ENPP3: variants seen among roughly 807,000 people sequenced by gnomAD.
ENPP3 encodes the protein ectonucleotide pyrophosphatase/phosphodiesterase family member 3.
A neutral mutation model predicts 117.8 loss-of-function variants in ENPP3; 104 were observed. The ratio of observed to expected loss-of-function variants is 0.88; its 90% CI spans 0.75 to 1.04. The LOEUF is 1.04. Among genes scored for constraint, ENPP3 ranks in the 50% least tolerant of loss-of-function variants. The pLI is 0.00. For synonymous variants in ENPP3, 380 were observed against 349.9 expected (o/e 1.09, Z -0.96); for missense variants, 1,026 against 1,051.9 (o/e 0.98, Z 0.34).
Position 131,652,864 on chromosome 6 carries a change from C to G in ENPP3, c.437C>G (p.Thr146Arg). Residue 146 changes from threonine (T) to arginine (R), a missense_variant, in exon 5 of 25, where the codon ACA becomes AGA. Thr to Arg is a moderately conservative substitution (Grantham distance 71). Coordinates refer to ENST00000357639, the MANE Select transcript of ENPP3 (RefSeq NM_005021.5). ...ETSWLEENCD[T>R]AQQSQCPEGF... ...TCATGGCTGGAAGAAAACTGTGACACAGCCCAGCAGTCTCAGTGCCCAGAA... is the reference window on the plus strand; with the variant it reads ...TCATGGCTGGAAGAAAACTGTGACAGAGCCCAGCAGTCTCAGTGCCCAGAA... The G allele has an allele frequency of 1.2e-6, 2 of 1,613,272 alleles. No homozygotes were observed. Among genetic ancestry groups the G allele is most frequent in the Admixed American group, 1.7e-5 (1 of 59,988 alleles).
chr6:131,693,682 G>T, intron 15 of ENPP3, 58 bp downstream of exon 15: 1 of 1,551,216 alleles, frequency 6.4e-7, no homozygotes, highest in Non-Finnish European at 8.8e-7. Context: ...GTCATTATAA[G>T]TCTACTTAAC....
At chr6:131,691,132 C>G (rs1481657423) in intron 14 of ENPP3, among the ~76,000 whole-genome samples, 1 of 152,034 alleles carries the variant, frequency 6.6e-6, no homozygotes, top group African/African-American at 2.4e-5. Context: ...GTCCATCCTT[C>G]CCAAGGAAAT....
intron 6 of ENPP3, among the ~76,000 whole-genome samples, chr6:131,663,058 T>G (rs1197968520): frequency 6.6e-6 from 1 of 152,072 alleles, no homozygotes; most frequent in Admixed American, 6.5e-5. Flanking sequence ...CTAAATAAAT[T>G]TATTTAGAGC....
At chr6:131,675,359 T>G in intron 9 of ENPP3, 170 bp downstream of exon 9, 1 of 572,898 alleles carries the variant, frequency 1.7e-6, no homozygotes, top group Non-Finnish European at 3.1e-6. Flanking sequence ...AGTAAATGCT[T>G]TTGGCTGTAA....
At chr6:131,685,835 A>G in intron 13 of ENPP3, 41 bp from the exon 14 acceptor site, 1 of 800,444 alleles carries the variant, frequency 1.2e-6, no homozygotes, top group Non-Finnish European at 2.1e-6. Flanking sequence ...TTTGTTCGTT[A>G]TCAATTGTAA....
intron 15 of ENPP3, among the ~76,000 whole-genome samples, chr6:131,717,026 T>C (rs1341722415): frequency 6.6e-6 from 1 of 152,006 alleles, no homozygotes; most frequent in Non-Finnish European, 1.5e-5. Flanking sequence ...AGCAATTTTA[T>C]TGGCATTAAC....
chr6:131,716,544 C>G (rs1445628122), intron 15 of ENPP3, among the ~76,000 whole-genome samples: 1 of 151,292 alleles, frequency 6.6e-6, no homozygotes, highest in African/African-American at 2.4e-5. Flanking sequence ...CTTTTTCTTT[C>G]TTTCATTAAT....
At chr6:131,725,323 A>G (rs933625066) in intron 19 of ENPP3, among the ~76,000 whole-genome samples, 1 of 152,190 alleles carries the variant, frequency 6.6e-6, no homozygotes, top group Non-Finnish European at 1.5e-5. Flanking sequence ...TTTACTTCTC[A>G]TAGTTCTGGA....
chr6:131,711,978 A>G (rs1156688354), intron 15 of ENPP3, among the ~76,000 whole-genome samples: 4 of 131,042 alleles, frequency 3.1e-5, no homozygotes, highest in Non-Finnish European at 6.0e-5. Context: ...ATTTAGAATA[A>G]CACTAGACAA....
rs1203791401 is a variant in ENPP3 at position 131,733,785 on chromosome 6, T to C, written c.2089+62T>C. The C allele has an allele frequency of 1.3e-5, 20 of 1,569,450 alleles. No homozygotes were observed. In the East Asian group the frequency reaches 2.3e-4, roughly 18 times the overall value. On this transcript the variant is annotated intron_variant, in intron 21 of 24. Transcript: ENST00000357639. ...AGCTCTCATCAGCTGGATGTGGGCA[T>C]GTGCCTTAAACATATACTCCCCACC...
intron 15 of ENPP3, among the ~76,000 whole-genome samples, chr6:131,716,878 G>A: frequency 6.6e-6 from 1 of 151,018 alleles, no homozygotes; most frequent in Non-Finnish European, 1.5e-5. Flanking sequence ...GGCTGAGGCA[G>A]GAGAATCGCT....
At chr6:131,736,455 A>AAT (rs1780399239) in intron 21 of ENPP3, among the ~76,000 whole-genome samples, 2 of 152,286 alleles carry the variant, frequency 1.3e-5, no homozygotes, top group South Asian at 4.1e-4. Flanking sequence ...TCCTCTTTAT[A>AAT]AAACTATCAG....
chr6:131,710,066 G>C, intron 15 of ENPP3: 1 of 1,613,316 alleles, frequency 6.2e-7, no homozygotes, highest in Non-Finnish European at 8.5e-7. Flanking sequence ...GCATGAATCA[G>C]TTTCTTCAAA....
intron 11 of ENPP3, among the ~76,000 whole-genome samples, chr6:131,678,941 C>CT (rs1457205356): frequency 1.5e-4 from 14 of 94,252 alleles, no homozygotes; most frequent in African/African-American, 2.3e-4. Flanking sequence ...TTCTTTCTTT[C>CT]TTTCTTTCTT....
chr6:131,689,297 T>C (rs57394903), intron 14 of ENPP3, among the ~76,000 whole-genome samples: 1,557 of 152,258 alleles, frequency 0.01, 22 homozygotes, highest in African/African-American at 0.032. Context: ...GAGAAGTCAA[T>C]GCTTGACTTC....
Position 131,650,009 on chromosome 6 carries a change from A to T in ENPP3, c.155-18A>T. The T allele has an allele frequency of 6.2e-7, 1 of 1,613,280 alleles. No individual in the cohort carries two copies. The highest frequency in any genetic ancestry group is 8.5e-7 in the Non-Finnish European group (1 of 1,179,672). On this transcript the variant is annotated intron_variant, in intron 2 of 24. Coordinates refer to ENST00000357639, the MANE Select transcript of ENPP3 (RefSeq NM_005021.5). ...AATAGCTCCTAAATGTTCGGGCCCT[A>T]TTTCCTTTACTTTGTAGGCAGCTGC...
rs1778426502 is a variant in ENPP3, at chr6:131,658,251, A to G, written c.465-72A>G. ...ATTTTACCTTAAACACAGGTCTAAAAAAGGATTGCAATGCTTTTGAGGTAA... is the reference window on the plus strand; with the variant it reads ...ATTTTACCTTAAACACAGGTCTAAAGAAGGATTGCAATGCTTTTGAGGTAA... On this transcript the variant is annotated intron_variant, in intron 5 of 24. Coordinates refer to ENST00000357639, the MANE Select transcript of ENPP3 (RefSeq NM_005021.5). The G allele has an allele frequency of 6.1e-6, 5 of 817,288 alleles. No homozygotes were observed. In the South Asian group the frequency reaches 7.1e-5, roughly 12 times the overall value. 50.6% of individuals were successfully genotyped at this position (817,288 alleles called of 1,614,324 possible). A position where few individuals can be genotyped will look rare whatever the true frequency, so the allele number is the denominator to read the frequency against.
At chr6:131,660,287 A>G (rs751903358) in intron 6 of ENPP3, among the ~76,000 whole-genome samples, 1 of 152,228 alleles carries the variant, frequency 6.6e-6, no homozygotes, top group Non-Finnish European at 1.5e-5. Flanking sequence ...CCAGGGCCCC[A>G]TCTCTAGGGT....
intron 1 of ENPP3, among the ~76,000 whole-genome samples, chr6:131,641,154 T>G (rs1778031693): frequency 6.6e-6 from 1 of 152,222 alleles, no homozygotes. Flanking sequence ...TGGTTTTAAT[T>G]CTTAACTTTA....
Sources: allele counts gnomAD v4.1 joint callset (sites outside exome capture counted in the v4.1 genomes callset), GRCh38; gene constraint gnomAD v4.1.1; transcripts MANE v1.5; gene names NCBI Gene and HGNC (gene_info 2026-07-23, HGNC 2026-07-21).